COL4A1: variants seen among roughly 807,000 people sequenced by gnomAD.
COL4A1 encodes collagen type IV alpha 1 chain, also known as collagen alpha-1(IV) chain.
Under a neutral mutation model 216.6 loss-of-function variants are expected in COL4A1, and 40 were observed. The observed-to-expected ratio is 0.18, with a 90% CI of 0.14 to 0.24. The LOEUF (loss-of-function observed/expected upper bound fraction) is 0.24. Ranked by LOEUF, COL4A1 falls within the 10% of genes least tolerant of loss-of-function variation. The probability of loss-of-function intolerance (pLI) is 1.00; values close to 1 mark genes in which losing one functional copy is unlikely to be tolerated. For missense variants in COL4A1, 1,628 were observed against 2,196.8 expected (o/e 0.74, Z 5.18); for synonymous variants, 839 against 810.7 (o/e 1.03, Z -0.59).
At position 110,273,463 on chromosome 13, in the gene COL4A1, G is replaced by A. The variant is rs149599898; in HGVS notation, c.85-30729C>T. Among the ~76,000 whole-genome samples, 782 of 152,198 alleles carry A rather than the reference G, an allele frequency of 5.1e-3. 6 individuals carry two copies. The highest frequency in any genetic ancestry group is 0.017 in the African/African-American group (702 of 41,518). ...TGTGACAACTCCATCCAGCAGTGTCGTCTCTATATATCTCACCTAGTCAGG... is the reference window on the plus strand; with the variant it reads ...TGTGACAACTCCATCCAGCAGTGTCATCTCTATATATCTCACCTAGTCAGG... On this transcript the variant is annotated intron_variant, in intron 1 of 51. Transcript: ENST00000375820.
At chr13:110,222,469 C>T (rs1280507689) in intron 2 of COL4A1, among the ~76,000 whole-genome samples, 2 of 152,096 alleles carry the variant, frequency 1.3e-5, no homozygotes, top group Non-Finnish European at 2.9e-5. Context: ...CCTGGTGGAC[C>T]TTAAAGAATT....
intron 31 of COL4A1, 114 bp downstream of exon 31, chr13:110,178,809 T>C: frequency 1.3e-6 from 1 of 798,964 alleles, no homozygotes; most frequent in Non-Finnish European, 2.1e-6. Context: ...TTTTTTTCTC[T>C]TTTTATCTCA....
At chr13:110,252,706 A>ATATGTATTATACATATAATTATAAGTATG (rs1387856421) in intron 1 of COL4A1, among the ~76,000 whole-genome samples, 1 of 124,140 alleles carries the variant, frequency 8.1e-6, no homozygotes, top group Non-Finnish European at 1.7e-5. Flanking sequence ...TTATATGTAT[A>ATATGTATTATACATATAATTATAAGTATG]TATGTATTAT....
chr13:110,194,308 C>T (rs1302429354), intron 22 of COL4A1, among the ~76,000 whole-genome samples: 1 of 152,168 alleles, frequency 6.6e-6, no homozygotes, highest in East Asian at 1.9e-4. Context: ...AGTTCACAGG[C>T]AGAAATGGTA....
At chr13:110,229,950 C>G (rs1343667726) in intron 2 of COL4A1, among the ~76,000 whole-genome samples, 1 of 152,336 alleles carries the variant, frequency 6.6e-6, no homozygotes, top group Non-Finnish European at 1.5e-5. Flanking sequence ...TTGGCTCTCA[C>G]TCCACGGTAA....
At chr13:110,164,416 A>T (rs1421489423) in intron 46 of COL4A1, among the ~76,000 whole-genome samples, 6 of 152,220 alleles carry the variant, frequency 3.9e-5, no homozygotes, top group African/African-American at 1.4e-4. Flanking sequence ...GTTTCACTCA[A>T]ATAAGCAGAA....
At chr13:110,251,478 C>T (rs1262848193) in intron 1 of COL4A1, among the ~76,000 whole-genome samples, 3 of 152,350 alleles carry the variant, frequency 2.0e-5, no homozygotes, top group South Asian at 4.1e-4. Flanking sequence ...ATCTACTGCA[C>T]GCCTGCATGG....
At position 110,216,641 on chromosome 13, in the gene COL4A1, C is replaced by T. The variant is rs188570545; in HGVS notation, c.145-2626G>A. ...GCACTGAGGACCAGAGCCAGATTAA[C>T]TGATTTCTACAAGTTTCTCACTGAG... is the stretch of plus-strand genomic sequence containing the variant. On this transcript the variant is annotated intron_variant, in intron 2 of 51. Transcript: ENST00000375820. Among the ~76,000 whole-genome samples, 198 of 152,330 alleles carry T rather than the reference C, an allele frequency of 1.3e-3. 1 individual carries two copies. Among genetic ancestry groups the T allele is most frequent in the South Asian group, 0.011 (55 of 4,834 alleles).
intron 1 of COL4A1, 70 bp from the exon 2 acceptor site, chr13:110,242,804 T>C: frequency 1.3e-6 from 2 of 1,515,732 alleles, no homozygotes; most frequent in East Asian, 2.2e-5. Flanking sequence ...CAAATGGAGA[T>C]GGTTCTGGCA....
In COL4A1 at chr13:110,179,168, G is replaced by A. The variant is rs573701834; in HGVS notation, c.2344+103C>T. 117 of 1,573,500 alleles carry A rather than the reference G, an allele frequency of 7.4e-5. No homozygotes were observed. The Admixed American group carries it at 1.1e-3, about 15-fold the overall frequency. ...TAGGCCTCTAAGATTTGCATCGTTCGTTCAACAAATACATATCAAATATAC... is the reference window on the plus strand; with the variant it reads ...TAGGCCTCTAAGATTTGCATCGTTCATTCAACAAATACATATCAAATATAC... On this transcript the variant is annotated intron_variant, in intron 30 of 51. Transcript: ENST00000375820.
At chr13:110,270,690 C>T (rs1450602354) in intron 1 of COL4A1, among the ~76,000 whole-genome samples, 2 of 152,208 alleles carry the variant, frequency 1.3e-5, no homozygotes, top group South Asian at 2.1e-4. Context: ...CACACACGTG[C>T]CATGGCTGGG....
Position 110,268,823 on chromosome 13 carries a change from C to G in COL4A1, c.85-26089G>C, listed in dbSNP as rs753424499. 2.0e-5 allele frequency among the ~76,000 whole-genome samples: 3 copies of G among 152,214 alleles called. No individual in the cohort carries two copies. The highest frequency in any genetic ancestry group is 2.9e-5 in the Non-Finnish European group (2 of 68,044). ...TCTGACTCTGTCATCCGCCCATCTT[C>G]CAGCCGAGGGCAGGTGAGACACAAG... On this transcript the variant is annotated intron_variant, in intron 1 of 51. Transcript: ENST00000375820. This position sits in a 1 kb window ranked among gnomAD's most constrained non-coding sequence, Gnocchi z 4.1.
intron 45 of COL4A1, 95 bp from the exon 46 acceptor site, chr13:110,165,085 T>C: frequency 2.0e-6 from 3 of 1,530,098 alleles, no homozygotes; most frequent in Non-Finnish European, 2.6e-6. Flanking sequence ...GCTATCCAAA[T>C]GGAACGTACT....
intron 20 of COL4A1, among the ~76,000 whole-genome samples, chr13:110,199,581 C>T (rs898662234): frequency 4.6e-5 from 7 of 152,150 alleles, no homozygotes; most frequent in Admixed American, 2.6e-4. Context: ...AGGAACTACC[C>T]GGGCACGAGG....
At chr13:110,236,025 T>C (rs1050095523) in intron 2 of COL4A1, among the ~76,000 whole-genome samples, 2 of 152,186 alleles carry the variant, frequency 1.3e-5, no homozygotes, top group Admixed American at 1.3e-4. Flanking sequence ...ATTACAACTA[T>C]GAAAATACCC....
chr13:110,201,794 C>A, intron 18 of COL4A1: 1 of 596,046 alleles, frequency 1.7e-6, no homozygotes, highest in East Asian at 3.8e-5. Context: ...CCAGCCTGGT[C>A]AATATGGTGA....
At chr13:110,254,673 T>C (rs1882432801) in intron 1 of COL4A1, among the ~76,000 whole-genome samples, 1 of 152,170 alleles carries the variant, frequency 6.6e-6, no homozygotes, top group Admixed American at 6.5e-5. Context: ...TCATTGCTGA[T>C]TTTGTGCTCA....
chr13:110,178,155 T>C lies in COL4A1; in HGVS notation c.2535A>G (p.Lys845=), dbSNP rs1239630067. 1 of 1,614,144 alleles carries C rather than the reference T, an allele frequency of 6.2e-7. No homozygotes were observed. Among genetic ancestry groups the C allele is most frequent in the Admixed American group, 1.7e-5 (1 of 60,018 alleles). The change falls in exon 32 of 52, where the codon AAA becomes AAG. Residue 845 remains lysine (K), a synonymous_variant. Transcript: ENST00000375820. ...GLDMPGPKGD[K]GAQGLPGITG... is the part of the protein sequence containing the mutation. ...TTATGCCAGGGAGTCCTTGAGCCCC[T>C]TTATCTCCTTTAGGGCCCGGCATGT... is the stretch of plus-strand genomic sequence containing the variant.
chr13:110,159,036 C>T (rs1241081520), intron 49 of COL4A1, among the ~76,000 whole-genome samples: 1 of 152,176 alleles, frequency 6.6e-6, no homozygotes, highest in Non-Finnish European at 1.5e-5. Flanking sequence ...AGCCACTGTG[C>T]CTGGCCAGCA....
Sources: gnomAD v4.1 joint callset for allele counts (sites outside exome capture counted in the v4.1 genomes callset) on GRCh38, gnomAD v4.1.1 for gene constraint, Gnocchi (gnomAD v3.1) non-coding constraint, MANE v1.5 for transcripts, NCBI Gene and HGNC (gene_info 2026-07-23, HGNC 2026-07-21) for gene names.